RORB: variants seen among roughly 807,000 people sequenced by gnomAD.
RORB encodes the protein RAR related orphan receptor B, also known as nuclear receptor ROR-beta.
A neutral mutation model predicts 59.1 loss-of-function variants in RORB; 6 were observed. The ratio of observed to expected loss-of-function variants is 0.10; its 90% confidence interval spans 0.06 to 0.20. RORB has a LOEUF of 0.20. Ranked by LOEUF, RORB falls within the 10% of genes least tolerant of loss-of-function variation. The probability of loss-of-function intolerance (pLI) is 1.00; values close to 1 mark genes in which losing one functional copy is unlikely to be tolerated. For synonymous variants in RORB, 215 were observed against 204.5 expected (o/e 1.05, Z -0.44); for missense variants, 320 against 560.5 (o/e 0.57, Z 4.33).
chr9:74,509,909 T>C, intron 1 of RORB, among the ~76,000 whole-genome samples: 1 of 152,122 alleles, frequency 6.6e-6, no homozygotes, highest in East Asian at 1.9e-4. Context: ...GGAGTTCTGC[T>C]CCTCCTTAAC....
At chr9:74,608,575 A>AAAAAAAT (rs1216086282) in intron 1 of RORB, among the ~76,000 whole-genome samples, 22 of 151,590 alleles carry the variant, frequency 1.5e-4, no homozygotes, top group Non-Finnish European at 2.9e-4. Flanking sequence ...AAAAAAAAAA[A>AAAAAAAT]AAAAAATTGC....
intron 1 of RORB, among the ~76,000 whole-genome samples, chr9:74,550,410 C>G (rs1229076334): frequency 6.6e-6 from 1 of 152,196 alleles, no homozygotes; most frequent in African/African-American, 2.4e-5. Flanking sequence ...TCCAGAAATT[C>G]TCATTTAGCA....
chr9:74,644,264 A>G (rs992201913), intron 4 of RORB, among the ~76,000 whole-genome samples: 1 of 152,208 alleles, frequency 6.6e-6, no homozygotes, highest in African/African-American at 2.4e-5. Flanking sequence ...TTGTTGACAA[A>G]GCACCTGTAA....
intron 4 of RORB, among the ~76,000 whole-genome samples, chr9:74,649,710 A>G (rs372716863): frequency 7.9e-5 from 12 of 152,184 alleles, no homozygotes; most frequent in African/African-American, 2.4e-4. Flanking sequence ...CCAAACAAAT[A>G]TATGATTTAC....
chr9:74,660,777 C>T (rs1824168454), intron 5 of RORB, 39 bp downstream of exon 5: 2 of 1,594,408 alleles, frequency 1.3e-6, no homozygotes, highest in Admixed American at 1.7e-5. Context: ...TCTGTGATTA[C>T]CCTATTGCTG....
chr9:74,666,588 A>C (rs1483996899), intron 7 of RORB, among the ~76,000 whole-genome samples: 1 of 152,006 alleles, frequency 6.6e-6, no homozygotes, highest in Non-Finnish European at 1.5e-5. Context: ...CATATTGCAT[A>C]GACCCCTGGT....
chr9:74,503,732 C>T (rs1347838703), intron 1 of RORB, among the ~76,000 whole-genome samples: 1 of 152,000 alleles, frequency 6.6e-6, no homozygotes, highest in East Asian at 1.9e-4. Context: ...TGAAGGATGT[C>T]TCCTTTGTAG....
intron 4 of RORB, among the ~76,000 whole-genome samples, chr9:74,656,334 A>G (rs560622774): frequency 6.6e-6 from 1 of 152,322 alleles, no homozygotes; most frequent in South Asian, 2.1e-4. Context: ...ATTATGACCT[A>G]GTTCAGACCT....
chr9:74,501,099 G>C (rs1053898267), intron 1 of RORB, among the ~76,000 whole-genome samples: 1 of 152,038 alleles, frequency 6.6e-6, no homozygotes, highest in African/African-American at 2.4e-5. Flanking sequence ...ACAGGGGCGC[G>C]GAAATGGTCG....
At chr9:74,640,572 C>T (rs1202462399) in intron 3 of RORB, among the ~76,000 whole-genome samples, 27 of 152,008 alleles carry the variant, frequency 1.8e-4, no homozygotes, top group African/African-American at 5.3e-4. Flanking sequence ...TGCAAGCCAC[C>T]GCACCCAGCC....
chr9:74,512,577 G>C (rs140227351), intron 1 of RORB, among the ~76,000 whole-genome samples: 2,391 of 152,252 alleles, frequency 0.016, 30 homozygotes, highest in Non-Finnish European at 0.026. Context: ...CAACTGAGAA[G>C]ATGCTACAAA....
chr9:74,598,008 A>G (rs186484770), intron 1 of RORB, among the ~76,000 whole-genome samples: 26 of 152,296 alleles, frequency 1.7e-4, no homozygotes, highest in African/African-American at 6.0e-4. Flanking sequence ...AATATTTGAT[A>G]TACATTAGGT....
chr9:74,536,679 G>A (rs1826327265), intron 1 of RORB, among the ~76,000 whole-genome samples: 1 of 151,974 alleles, frequency 6.6e-6, no homozygotes, highest in Non-Finnish European at 1.5e-5. Context: ...GAAATGGACT[G>A]TGTATCTGGA....
intron 1 of RORB, among the ~76,000 whole-genome samples, chr9:74,505,817 A>G (rs372529787): frequency 1.4e-4 from 21 of 152,250 alleles, no homozygotes; most frequent in Middle Eastern, 6.8e-3. Flanking sequence ...CTGATGTAGC[A>G]CAAATAATAG....
chr9:74,545,004 G>C (rs549382341), intron 1 of RORB, among the ~76,000 whole-genome samples: 1 of 152,076 alleles, frequency 6.6e-6, no homozygotes, highest in Non-Finnish European at 1.5e-5. Context: ...ATATTGCAGC[G>C]CTTGAATATG....
At chr9:74,599,921 G>A (rs1296983870) in intron 1 of RORB, among the ~76,000 whole-genome samples, 1 of 152,152 alleles carries the variant, frequency 6.6e-6, no homozygotes, top group Non-Finnish European at 1.5e-5. Context: ...TAAGAACCAG[G>A]TAAGAAACTT....
At chr9:74,672,938 G>T (rs534662561) in intron 9 of RORB, among the ~76,000 whole-genome samples, 68 of 152,196 alleles carry the variant, frequency 4.5e-4, no homozygotes, top group Non-Finnish European at 4.6e-4. Context: ...ACTCTATTTG[G>T]AGACACCATC....
Position 74,642,650 on chromosome 9 carries a change from G to T in RORB, c.472G>T (p.Val158Phe), listed in dbSNP as rs746472889. The T allele has an allele frequency of 1.2e-6, 2 of 1,614,072 alleles. No individual in the cohort carries two copies. Among genetic ancestry groups the T allele is most frequent in the Non-Finnish European group, 1.7e-6 (2 of 1,180,052 alleles). Reference protein sequence around the residue: ...DLPKSEGYYNVDSGQPSPDQS... With the variant: ...DLPKSEGYYNFDSGQPSPDQS... ...GCCCAAGTCTGAGGGTTATTACAAC[G>T]TCGATTCCGGTCAGCCGTCCCCTGA... The change falls in exon 4 of 10, where the codon GTC becomes TTC. Residue 158 changes from valine (V) to phenylalanine (F), a missense_variant. Physicochemically the swap from Val to Phe is conservative, Grantham distance 50. Transcript: ENST00000376896.
intron 1 of RORB, among the ~76,000 whole-genome samples, chr9:74,573,293 C>T (rs1323015112): frequency 6.6e-6 from 1 of 151,890 alleles, no homozygotes; most frequent in Non-Finnish European, 1.5e-5. Flanking sequence ...CAATGAGGGG[C>T]CAATCAGCCA....
Sources: gnomAD v4.1 joint callset for allele counts (sites outside exome capture counted in the v4.1 genomes callset) on GRCh38, gnomAD v4.1.1 for gene constraint, MANE v1.5 for transcripts, NCBI Gene and HGNC (gene_info 2026-07-23, HGNC 2026-07-21) for gene names.